Variants in PLEKHG5 observed in about 807,000 individuals in gnomAD.
PLEKHG5 encodes the protein pleckstrin homology and RhoGEF domain containing G5, also known as pleckstrin homology domain-containing family G member 5.
PLEKHG5 carries 52 observed loss-of-function variants against 103.8 expected under a neutral mutation model. The ratio of observed to expected loss-of-function variants is 0.50; its 90% CI spans 0.40 to 0.63. The LOEUF (loss-of-function observed/expected upper bound fraction) is 0.63, where lower values mean the gene tolerates loss of function less well. PLEKHG5 is among the 30% of genes least tolerant of loss of function. The pLI, the probability that PLEKHG5 is intolerant of heterozygous loss-of-function variation, is 0.00. For synonymous variants in PLEKHG5, 592 were observed against 575.5 expected (o/e 1.03, Z -0.41); for missense variants, 1,205 against 1,347.6 (o/e 0.89, Z 1.66).
In PLEKHG5 at chr1:6,476,926, G is replaced by A. The variant is rs201710475; in HGVS notation, c.43+603C>T. On this transcript the variant is annotated intron_variant, in intron 2 of 20. Transcript: ENST00000377728. ...GTGCCACCACACCTGGCTAATTTTT[G>A]TATTTTTTGTATTCCAGACATGAGC... 1.4e-4 allele frequency among the ~76,000 whole-genome samples: 21 copies of A among 151,620 alleles called. No homozygotes were observed. In the East Asian group the frequency reaches 4.1e-3, roughly 29 times the overall value.
intron 1 of PLEKHG5, among the ~76,000 whole-genome samples, chr1:6,482,271 C>A (rs1034715171): frequency 6.6e-6 from 1 of 152,164 alleles, no homozygotes; most frequent in South Asian, 2.1e-4. Context: ...TGGTCACATT[C>A]GCAAGGACAG....
upstream of PLEKHG5, chr1:6,497,295 C>T (rs1266362858): frequency 1.9e-6 from 2 of 1,028,632 alleles, no homozygotes; most frequent in African/African-American, 3.3e-5. The surrounding 1 kb of genome is among the most constrained non-coding windows in gnomAD (Gnocchi z 6.1). Context: ...CGCCCCGCGT[C>T]CGCCGGGTCC....
At chr1:6,471,177 A>G in intron 12 of PLEKHG5, 77 bp from the exon 13 acceptor site, 1 of 1,216,292 alleles carries the variant, frequency 8.2e-7, no homozygotes, top group Non-Finnish European at 1.2e-6. Context: ...GCGCTGCGCA[A>G]GCGCTTCCTT....
intron 1 of PLEKHG5, among the ~76,000 whole-genome samples, chr1:6,489,298 C>T (rs897533135): frequency 6.6e-6 from 1 of 152,202 alleles, no homozygotes; most frequent in Non-Finnish European, 1.5e-5. Context: ...GGCCTACCCA[C>T]CCTCCTTTCC....
chr1:6,497,193 G>C (rs1447747392), upstream of PLEKHG5: 1 of 862,834 alleles, frequency 1.2e-6, no homozygotes, highest in South Asian at 1.4e-5. This position sits in a 1 kb window ranked among gnomAD's most constrained non-coding sequence, Gnocchi z 6.1. Flanking sequence ...GTTTGGGTAC[G>C]AGCGGCCCGA....
Position 6,471,646 on chromosome 1 carries a change from G to A in PLEKHG5, c.1132-9C>T, listed in dbSNP as rs987026184. The A allele has an allele frequency of 6.4e-7, 1 of 1,573,102 alleles. No individual in the cohort carries two copies. The highest frequency in any genetic ancestry group is 2.4e-5 in the East Asian group (1 of 42,394). On this transcript the variant is annotated splice_polypyrimidine_tract_variant and intron_variant, in intron 11 of 20. Transcript: ENST00000377728. ...AGGCGCTCCGCCTCCACCTGGGCGC[G>A]GCGGGAGGTGCGGTTGGCCACGCCC...
chr1:6,474,680 G>A (rs1644707034), intron 5 of PLEKHG5, 93 bp from the exon 6 acceptor site: 11 of 1,009,896 alleles, frequency 1.1e-5, no homozygotes. Flanking sequence ...CCCACCCACA[G>A]CCCCAGCTGC....
chr1:6,518,867 G>A (rs7531380), intron 1 of PLEKHG5, among the ~76,000 whole-genome samples: 120,036 of 152,136 alleles, frequency 0.79, 49,049 homozygotes, highest in Non-Finnish European at 0.88. Flanking sequence ...TGTTTGAGAC[G>A]GAGTCTTGCT....
upstream of PLEKHG5, among the ~76,000 whole-genome samples, chr1:6,500,259 C>T (rs1022870925): frequency 2.6e-5 from 4 of 152,112 alleles, no homozygotes; most frequent in African/African-American, 7.2e-5. Context: ...CAAATAGGTA[C>T]GATGCCCCAA....
chr1:6,474,903 C>T lies in PLEKHG5; in HGVS notation c.302+144G>A, dbSNP rs141393320. ...TCCCTCACACTGGCGTGCACACCAG[C>T]ACGGGTCTGCCCACGCAGGGATGCG... On this transcript the variant is annotated intron_variant, in intron 5 of 20. Coordinates refer to ENST00000377728, the MANE Select transcript of PLEKHG5 (RefSeq NM_020631.6). The T allele has an allele frequency of 2.9e-3, 2,208 of 762,008 alleles. 38 individuals are homozygous for T. The African/African-American group carries it at 0.032, about 11-fold the overall frequency. The allele number at this position is 762,008 out of a possible 1,614,324, so 47.2% of individuals were successfully genotyped here.
intron 1 of PLEKHG5, among the ~76,000 whole-genome samples, chr1:6,482,110 A>C (rs1644917666): frequency 6.6e-6 from 1 of 151,712 alleles, no homozygotes; most frequent in Admixed American, 6.6e-5. Context: ...CAGATATTGA[A>C]ATGCATGGCT....
At chr1:6,473,488 C>G in intron 7 of PLEKHG5, 34 bp from the exon 8 acceptor site, 1 of 1,473,406 alleles carries the variant, frequency 6.8e-7, no homozygotes, top group South Asian at 1.3e-5. Flanking sequence ...GCCGGGACCC[C>G]CTGCCAGCCC....
chr1:6,472,773 A>G, intron 9 of PLEKHG5, 151 bp from the exon 10 acceptor site: 1 of 750,856 alleles, frequency 1.3e-6, no homozygotes, highest in African/African-American at 1.7e-5. Flanking sequence ...CACATGAGTA[A>G]TCACAGTTAA....
At chr1:6,481,843 T>G (rs1034523712) in intron 1 of PLEKHG5, among the ~76,000 whole-genome samples, 11 of 148,208 alleles carry the variant, frequency 7.4e-5, no homozygotes, top group African/African-American at 2.8e-4. Context: ...CAGCCTGGGC[T>G]ACAGGGAAGA....
chr1:6,497,374 G>T, upstream of PLEKHG5: 1 of 1,091,696 alleles, frequency 9.2e-7, no homozygotes, highest in Non-Finnish European at 1.1e-6. The surrounding 1 kb of genome is among the most constrained non-coding windows in gnomAD (Gnocchi z 6.1). Context: ...GGGGCGCCGG[G>T]GACGCCGGGG....
intron 1 of PLEKHG5, among the ~76,000 whole-genome samples, chr1:6,512,141 C>T (rs371202294): frequency 6.6e-6 from 1 of 152,176 alleles, no homozygotes; most frequent in South Asian, 2.1e-4. Flanking sequence ...AGCGGAGGCT[C>T]GGGACGCCTG....
intron 1 of PLEKHG5, among the ~76,000 whole-genome samples, chr1:6,478,687 AG>A (rs1420537217): frequency 6.6e-6 from 1 of 152,134 alleles, no homozygotes; most frequent in Non-Finnish European, 1.5e-5. Flanking sequence ...TCTGTTGCCC[AG>A]GCTGGAGTGC....
chr1:6,502,132 G>C (rs1302049435), intron 1 of PLEKHG5, among the ~76,000 whole-genome samples: 1 of 152,286 alleles, frequency 6.6e-6, no homozygotes, highest in Non-Finnish European at 1.5e-5. Context: ...GCCTGGGGAA[G>C]GGCAAGATTT....
At chr1:6,509,610 A>T (rs1638420061) in intron 1 of PLEKHG5, among the ~76,000 whole-genome samples, 1 of 152,164 alleles carries the variant, frequency 6.6e-6, no homozygotes. Context: ...TGGGGGCTCC[A>T]CGGGCCCCTG....
Sources: allele counts gnomAD v4.1 joint callset (sites outside exome capture counted in the v4.1 genomes callset), GRCh38; gene constraint gnomAD v4.1.1; non-coding constraint Gnocchi (gnomAD v3.1); transcripts MANE v1.5; gene names NCBI Gene and HGNC (gene_info 2026-07-23, HGNC 2026-07-21).